DPP10: variants seen among roughly 807,000 people sequenced by gnomAD.
DPP10 encodes the protein inactive dipeptidyl peptidase 10.
DPP10 carries 33 observed loss-of-function variants against 120.9 expected under a neutral mutation model. That is an observed-to-expected ratio of 0.27 (90% CI 0.21 to 0.37). The LOEUF (loss-of-function observed/expected upper bound fraction) is 0.37. Among genes scored for constraint, DPP10 ranks in the 10% least tolerant of loss-of-function variants. DPP10 has a pLI of 1.00. For missense variants in DPP10, 816 were observed against 942.8 expected (o/e 0.87, Z 1.76); for synonymous variants, 337 against 326.1 (o/e 1.03, Z -0.36).
intron 1 of DPP10, among the ~76,000 whole-genome samples, chr2:114,529,396 T>C (rs1685770889): frequency 6.6e-6 from 1 of 152,154 alleles, no homozygotes. Flanking sequence ...ACTTTTCTGA[T>C]TAAAACTCTC....
chr2:114,558,529 C>A (rs916387565), intron 1 of DPP10, among the ~76,000 whole-genome samples: 1 of 152,202 alleles, frequency 6.6e-6, no homozygotes, highest in Non-Finnish European at 1.5e-5. Context: ...TCCATCCATG[C>A]CTTTTATTTT....
intron 1 of DPP10, among the ~76,000 whole-genome samples, chr2:114,782,423 G>A (rs1682416843): frequency 6.6e-6 from 1 of 151,776 alleles, no homozygotes; most frequent in African/African-American, 2.4e-5. Flanking sequence ...TTTACAAAAA[G>A]TCAGAGTGAG....
chr2:115,384,894 C>A (rs904936293), intron 3 of DPP10, among the ~76,000 whole-genome samples: 5 of 152,188 alleles, frequency 3.3e-5, no homozygotes, highest in Admixed American at 6.5e-5. Context: ...GGGAGGGACC[C>A]AGTGGGAGAT....
chr2:114,594,508 T>C (rs887637434), intron 1 of DPP10, among the ~76,000 whole-genome samples: 65 of 147,774 alleles, frequency 4.4e-4, no homozygotes, highest in Non-Finnish European at 7.6e-4. Flanking sequence ...ATATTATATA[T>C]ACACACACAT....
chr2:115,247,332 G>A (rs2058578954), intron 1 of DPP10, among the ~76,000 whole-genome samples: 1 of 152,110 alleles, frequency 6.6e-6, no homozygotes, highest in African/African-American at 2.4e-5. Context: ...CCGTATACAG[G>A]TGGCAGTTAC....
intron 1 of DPP10, among the ~76,000 whole-genome samples, chr2:114,474,103 G>A (rs1184296396): frequency 2.0e-5 from 3 of 151,974 alleles, no homozygotes; most frequent in Non-Finnish European, 2.9e-5. Context: ...GATTACAGGC[G>A]TGCACCACCA....
chr2:114,947,904 A>G (rs1574547446), intron 1 of DPP10, among the ~76,000 whole-genome samples: 1 of 152,120 alleles, frequency 6.6e-6, no homozygotes, highest in Middle Eastern at 3.4e-3. Flanking sequence ...TGATATGTTC[A>G]TAAGTCTCCC....
chr2:114,867,310 T>A (rs552042486), intron 1 of DPP10, among the ~76,000 whole-genome samples: 1 of 152,324 alleles, frequency 6.6e-6, no homozygotes, highest in East Asian at 1.9e-4. Context: ...GGGAACTTTT[T>A]AATTACCCTT....
intron 1 of DPP10, among the ~76,000 whole-genome samples, chr2:114,891,044 T>C (rs1218533107): frequency 1.3e-5 from 2 of 152,138 alleles, no homozygotes; most frequent in Non-Finnish European, 2.9e-5. Context: ...TAATGACAGA[T>C]GCTACTATTT....
chr2:115,654,908 A>T (rs941001372), intron 5 of DPP10, among the ~76,000 whole-genome samples: 1 of 151,802 alleles, frequency 6.6e-6, no homozygotes, highest in Non-Finnish European at 1.5e-5. Flanking sequence ...TCCCAATATC[A>T]GTTCCCACAA....
intron 1 of DPP10, among the ~76,000 whole-genome samples, chr2:115,226,113 C>T (rs2057422069): frequency 6.6e-6 from 1 of 152,106 alleles, no homozygotes; most frequent in Non-Finnish European, 1.5e-5. Context: ...ATGCTTGTCA[C>T]TTAGAATGCT....
At chr2:114,548,660 A>C (rs1036281796) in intron 1 of DPP10, among the ~76,000 whole-genome samples, 7 of 152,324 alleles carry the variant, frequency 4.6e-5, no homozygotes, top group Admixed American at 4.6e-4. Context: ...TTCCGGAGCT[A>C]CTTTTTAAGT....
intron 1 of DPP10, among the ~76,000 whole-genome samples, chr2:114,980,967 A>G (rs901602847): frequency 2.0e-5 from 3 of 151,490 alleles, no homozygotes; most frequent in African/African-American, 7.3e-5. Flanking sequence ...AATTAAATGC[A>G]GTTTTATCGA....
At chr2:115,102,498 C>T (rs747826908) in intron 1 of DPP10, among the ~76,000 whole-genome samples, 4 of 152,120 alleles carry the variant, frequency 2.6e-5, no homozygotes, top group Non-Finnish European at 5.9e-5. Context: ...GCAACCTCCA[C>T]CTCCCAAGTT....
intron 21 of DPP10, among the ~76,000 whole-genome samples, chr2:115,827,846 G>A (rs950535806): frequency 1.3e-5 from 2 of 151,810 alleles, no homozygotes; most frequent in Admixed American, 1.3e-4. Flanking sequence ...ATCCACAAGC[G>A]TCGGCCTCCC....
chr2:114,845,544 A>G (rs1459299760), intron 1 of DPP10, among the ~76,000 whole-genome samples: 1 of 152,120 alleles, frequency 6.6e-6, no homozygotes, highest in African/African-American at 2.4e-5. Flanking sequence ...GGGCCACCAC[A>G]TACAGCCTGT....
intron 12 of DPP10, among the ~76,000 whole-genome samples, chr2:115,763,859 A>G (rs115971628): frequency 6.6e-6 from 1 of 152,216 alleles, no homozygotes; most frequent in Non-Finnish European, 1.5e-5. Flanking sequence ...AAGCTTTTTC[A>G]GCTCTGAGTC....
chr2:115,165,538 C>T (rs2052768615), intron 1 of DPP10, among the ~76,000 whole-genome samples: 1 of 152,146 alleles, frequency 6.6e-6, no homozygotes, highest in Non-Finnish European at 1.5e-5. Flanking sequence ...TAATATCACG[C>T]TACTGATCTA....
chr2:115,163,834 GA>G (rs1450680334), intron 1 of DPP10, among the ~76,000 whole-genome samples: 10 of 151,936 alleles, frequency 6.6e-5, no homozygotes, highest in African/African-American at 2.4e-4. Context: ...GTGGGATGCA[GA>G]AGCAGAGCAG....
Sources: allele counts gnomAD v4.1 joint callset (sites outside exome capture counted in the v4.1 genomes callset), GRCh38; gene constraint gnomAD v4.1.1; transcripts MANE v1.5; gene names NCBI Gene and HGNC (gene_info 2026-07-23, HGNC 2026-07-21).